Variants in SPRED1 observed in about 807,000 individuals in gnomAD.
The protein encoded by SPRED1 is sprouty-related, EVH1 domain-containing protein 1.
In SPRED1, 18 loss-of-function variants were observed where a neutral mutation model predicts 52.3. That is an observed-to-expected ratio of 0.34 (90% confidence interval 0.24 to 0.51). The LOEUF (loss-of-function observed/expected upper bound fraction) is 0.51. Among genes scored for constraint, SPRED1 ranks in the 20% least tolerant of loss-of-function variants. SPRED1 has a pLI of 0.97. For missense variants in SPRED1, 485 were observed against 551.0 expected, an observed-to-expected ratio of 0.88 and a Z score of 1.20; for synonymous variants, 155 against 179.7, an observed-to-expected ratio of 0.86 and a Z score of 1.10.
chr15:38,309,323 T>C lies in SPRED1; in HGVS notation c.207+9776T>C, dbSNP rs1023493270. ...ACCTGGCTAATTTTTGTATTTTTACTAGAGATGGGGTTTCACCATGTTGGC... is the reference window on the plus strand; with the variant it reads ...ACCTGGCTAATTTTTGTATTTTTACCAGAGATGGGGTTTCACCATGTTGGC... On this transcript the variant is annotated intron_variant, in intron 2 of 6. Transcript: ENST00000299084. 3.3e-5 allele frequency among the ~76,000 whole-genome samples: 5 copies of C among 152,314 alleles called. No homozygotes were observed. The South Asian group carries it at 1.0e-3, about 32-fold the overall frequency.
intron 1 of SPRED1, among the ~76,000 whole-genome samples, chr15:38,259,745 C>G (rs1894168697): frequency 6.6e-6 from 1 of 152,110 alleles, no homozygotes; most frequent in Non-Finnish European, 1.5e-5. Context: ...TAGGGGATAA[C>G]TGTATATTAG....
At position 38,287,244 on chromosome 15, in the gene SPRED1, G is replaced by T. The variant is rs559803691; in HGVS notation, c.33-12129G>T. 1.4e-4 allele frequency among the ~76,000 whole-genome samples: 21 copies of T among 152,202 alleles called. No individual in the cohort carries two copies. The East Asian group carries it at 3.7e-3, about 27-fold the overall frequency. ...CCTCCAGAAGACATCTTCTGTCTAT[G>T]TAGTTTTCTCATTTATTTGTCTAGT... On this transcript the variant is annotated intron_variant, in intron 1 of 6. Coordinates refer to ENST00000299084, the MANE Select transcript of SPRED1 (RefSeq NM_152594.3).
intron 2 of SPRED1, among the ~76,000 whole-genome samples, chr15:38,309,696 GT>G (rs555804610): frequency 1.3e-5 from 2 of 152,182 alleles, no homozygotes; most frequent in South Asian, 4.1e-4. Flanking sequence ...TTTATCCTGT[GT>G]TTTTTTCCTG....
At chr15:38,272,427 C>T (rs1387506883) in intron 1 of SPRED1, among the ~76,000 whole-genome samples, 2 of 152,032 alleles carry the variant, frequency 1.3e-5, no homozygotes, top group East Asian at 1.9e-4. Context: ...AACCACCACG[C>T]CCAGCTAATT....
intron 1 of SPRED1, chr15:38,283,502 AGG>A: frequency 1.0e-6 from 1 of 984,770 alleles, no homozygotes. Flanking sequence ...TGTAGGTGTC[AGG>A]GGCATGATGA....
chr15:38,264,477 A>G (rs1291076229), intron 1 of SPRED1, among the ~76,000 whole-genome samples: 1 of 152,234 alleles, frequency 6.6e-6, no homozygotes, highest in Non-Finnish European at 1.5e-5. Context: ...ATCATAGAAC[A>G]ATGGCTCCAG....
chr15:38,346,849 T>G (rs538617293), intron 5 of SPRED1, among the ~76,000 whole-genome samples: 3 of 152,320 alleles, frequency 2.0e-5, no homozygotes, highest in South Asian at 2.1e-4. Context: ...ACAGGGGATA[T>G]GTATTGAGTA....
intron 2 of SPRED1, among the ~76,000 whole-genome samples, chr15:38,310,115 T>TTGTGTGTGTG (rs767218956): frequency 4.7e-4 from 11 of 23,164 alleles, no homozygotes; most frequent in East Asian, 1.5e-3. Context: ...AGACTATTCT[T>TTGTGTGTGTG]TGTGTGTGTG....
chr15:38,346,846 A>T (rs918536463), intron 5 of SPRED1, among the ~76,000 whole-genome samples: 3 of 152,160 alleles, frequency 2.0e-5, no homozygotes, highest in African/African-American at 7.2e-5. Flanking sequence ...CCTACAGGGG[A>T]TATGTATTGA....
intron 5 of SPRED1, among the ~76,000 whole-genome samples, chr15:38,346,989 C>G (rs1260752054): frequency 6.6e-6 from 1 of 152,102 alleles, no homozygotes; most frequent in Non-Finnish European, 1.5e-5. Context: ...GGATTCAGAT[C>G]TTTCTGAGTT....
chr15:38,298,529 G>T (rs141161618), intron 1 of SPRED1: 53 of 319,422 alleles, frequency 1.7e-4, no homozygotes, highest in African/African-American at 1.1e-3. Context: ...ATTAACTTCT[G>T]GTACACAAAA....
rs2140952655 is a variant in SPRED1 at position 38,265,844 on chromosome 15, A to T, written c.32+12627A>T. 2.0e-5 allele frequency among the ~76,000 whole-genome samples: 3 copies of T among 152,228 alleles called. 1 individual carries two copies. Among genetic ancestry groups the T allele is most frequent in the Middle Eastern group, 3.4e-3 (1 of 294 alleles). ...CTATTTTCGTGGGAGAGAATGGGAG[A>T]GGAAGATTTTTCAGCTTAGGGGAAT... is the stretch of plus-strand genomic sequence containing the variant. On this transcript the variant is annotated intron_variant, in intron 1 of 6. Coordinates refer to ENST00000299084, the MANE Select transcript of SPRED1 (RefSeq NM_152594.3).
intron 4 of SPRED1, among the ~76,000 whole-genome samples, chr15:38,334,741 A>G (rs72711736): frequency 0.092 from 13,903 of 151,862 alleles, 756 homozygotes; most frequent in East Asian, 0.21. Context: ...GAGCCATAAG[A>G]TATTTTGATT....
intron 1 of SPRED1, among the ~76,000 whole-genome samples, chr15:38,291,306 G>A (rs1454862987): frequency 6.6e-6 from 1 of 152,214 alleles, no homozygotes; most frequent in Non-Finnish European, 1.5e-5. Context: ...GTAGGGTACA[G>A]CCTCCTCCTG....
chr15:38,257,116 G>A (rs4923781), intron 1 of SPRED1, among the ~76,000 whole-genome samples: 125,122 of 151,708 alleles, frequency 0.82, 52,358 homozygotes, highest in Non-Finnish European at 0.9. Context: ...TTGTAAATTT[G>A]TCATTTTTCC....
At chr15:38,326,720 A>G (rs549324613) in intron 4 of SPRED1, among the ~76,000 whole-genome samples, 39 of 152,304 alleles carry the variant, frequency 2.6e-4, no homozygotes, top group Non-Finnish European at 4.3e-4. Context: ...TGGCAGAAAT[A>G]CCACCTTTGA....
intron 1 of SPRED1, among the ~76,000 whole-genome samples, chr15:38,254,793 GTCTC>G (rs781633633): frequency 2.6e-5 from 4 of 152,218 alleles, no homozygotes; most frequent in Admixed American, 6.5e-5. Context: ...GTGCAGTACA[GTCTC>G]TCCCTGCCTT....
intron 2 of SPRED1, among the ~76,000 whole-genome samples, chr15:38,311,960 T>C (rs1895376480): frequency 6.6e-6 from 1 of 152,100 alleles, no homozygotes; most frequent in South Asian, 2.1e-4. Context: ...TCTCTGGAGG[T>C]AGGAACTTCA....
chr15:38,303,168 G>C (rs571343456), intron 2 of SPRED1, among the ~76,000 whole-genome samples: 1 of 151,030 alleles, frequency 6.6e-6, no homozygotes, highest in Admixed American at 6.6e-5. Flanking sequence ...GTGGGCAACA[G>C]AGCGAGACTC....
Sources: gnomAD v4.1 joint callset for allele counts (sites outside exome capture counted in the v4.1 genomes callset) on GRCh38, gnomAD v4.1.1 for gene constraint, MANE v1.5 for transcripts, NCBI Gene and HGNC (gene_info 2026-07-23, HGNC 2026-07-21) for gene names.